Variants in ITPR2 observed in about 807,000 individuals in gnomAD.
ITPR2 encodes inositol 1,4,5-trisphosphate receptor type 2.
In ITPR2, 207 loss-of-function variants were observed where a neutral mutation model predicts 317.1. The ratio of observed to expected loss-of-function variants is 0.65; its 90% CI spans 0.58 to 0.73. ITPR2 has a LOEUF of 0.73. Ranked by LOEUF, ITPR2 falls within the 30% of genes least tolerant of loss-of-function variation. The pLI is 0.00. For missense variants in ITPR2, 2,613 were observed against 3,284.0 expected, an observed-to-expected ratio of 0.80 and a Z score of 4.99; for synonymous variants, 1,156 against 1,149.1, an observed-to-expected ratio of 1.01 and a Z score of -0.12.
intron 35 of ITPR2, among the ~76,000 whole-genome samples, 194 bp from the exon 36 acceptor site, chr12:26,556,569 TGTG>T (rs1944669529): frequency 8.2e-6 from 1 of 121,862 alleles, no homozygotes; most frequent in African/African-American, 3.7e-5. Context: ...TTTTTTTTTG[TGTG>T]TGTGTGTGTG....
At position 26,428,089 on chromosome 12, in the gene ITPR2, C is replaced by T; in HGVS notation, c.6770-1G>A. ...ACCGAGAACAATGGAGAAAGTGTAC[C>T]TGTAAAATGTGGAAGAAATTTATTG... On this transcript the variant is annotated splice_acceptor_variant, in intron 48 of 56. Coordinates refer to ENST00000381340, the MANE Select transcript of ITPR2 (RefSeq NM_002223.4). LOFTEE classifies it high-confidence loss of function. 1 of 1,580,368 alleles carries T rather than the reference C, an allele frequency of 6.3e-7. No homozygotes were observed. Among genetic ancestry groups the T allele is most frequent in the Non-Finnish European group, 8.6e-7 (1 of 1,167,672 alleles).
chr12:26,538,013 TA>T (rs1323436395), intron 37 of ITPR2, among the ~76,000 whole-genome samples: 2 of 152,214 alleles, frequency 1.3e-5, no homozygotes, highest in African/African-American at 4.8e-5. Flanking sequence ...TTCTGTTATT[TA>T]ACGTAAAAAA....
At chr12:26,403,492 T>A (rs1940246754) in intron 52 of ITPR2, among the ~76,000 whole-genome samples, 1 of 151,950 alleles carries the variant, frequency 6.6e-6, no homozygotes, top group Non-Finnish European at 1.5e-5. Flanking sequence ...GTGATACACG[T>A]GTGTAGGCCC....
chr12:26,377,858 ACTTTT>A (rs750640972), intron 55 of ITPR2, among the ~76,000 whole-genome samples: 3 of 152,022 alleles, frequency 2.0e-5, no homozygotes, highest in African/African-American at 4.8e-5. Context: ...TTGTTCTCAC[ACTTTT>A]CTTTTAAGAT....
chr12:26,443,995 G>A (rs1592029286), intron 45 of ITPR2, among the ~76,000 whole-genome samples: 1 of 152,136 alleles, frequency 6.6e-6, no homozygotes, highest in Admixed American at 6.5e-5. Context: ...TCAGTGAGTG[G>A]TGGGAACAAT....
At chr12:26,374,039 T>C (rs1255850873) in intron 55 of ITPR2, among the ~76,000 whole-genome samples, 1 of 152,206 alleles carries the variant, frequency 6.6e-6, no homozygotes, top group African/African-American at 2.4e-5. Context: ...GTTCACAGTA[T>C]GTCTGTCCTC....
chr12:26,401,003 G>A (rs1221391037), intron 52 of ITPR2, among the ~76,000 whole-genome samples: 7 of 152,166 alleles, frequency 4.6e-5, no homozygotes, highest in Non-Finnish European at 4.4e-5. Context: ...GCCGAGGCGG[G>A]TGGATCACTT....
chr12:26,673,257 A>G (rs1274982320), intron 13 of ITPR2, among the ~76,000 whole-genome samples: 7 of 152,080 alleles, frequency 4.6e-5, no homozygotes, highest in African/African-American at 1.7e-4. Flanking sequence ...AGAATTTTAG[A>G]CCAATATCCT....
chr12:26,512,184 T>C (rs1234758368), intron 37 of ITPR2, among the ~76,000 whole-genome samples: 2 of 136,256 alleles, frequency 1.5e-5, no homozygotes, highest in Non-Finnish European at 3.1e-5. Flanking sequence ...GCTACAAAGA[T>C]AAAAAAAAAA....
At chr12:26,351,441 C>T (rs1324669812) in intron 55 of ITPR2, among the ~76,000 whole-genome samples, 1 of 152,190 alleles carries the variant, frequency 6.6e-6, no homozygotes, top group Non-Finnish European at 1.5e-5. Context: ...AAATGTCAAG[C>T]GGGAAACATT....
chr12:26,705,541 C>G (rs952059021), intron 9 of ITPR2, among the ~76,000 whole-genome samples: 1 of 152,200 alleles, frequency 6.6e-6, no homozygotes, highest in Non-Finnish European at 1.5e-5. Context: ...GCTCTGAAAA[C>G]CCAAATCTAA....
intron 5 of ITPR2, among the ~76,000 whole-genome samples, chr12:26,720,539 A>G (rs1423884025): frequency 6.6e-6 from 1 of 152,212 alleles, no homozygotes; most frequent in Non-Finnish European, 1.5e-5. Flanking sequence ...TATGTGACCA[A>G]TATAGGGTTG....
At chr12:26,523,376 C>T (rs1565579211) in intron 37 of ITPR2, among the ~76,000 whole-genome samples, 2 of 152,156 alleles carry the variant, frequency 1.3e-5, no homozygotes, top group South Asian at 2.1e-4. Context: ...ATTGAACTCA[C>T]GATTTGACAC....
intron 44 of ITPR2, 94 bp from the exon 45 acceptor site, chr12:26,475,512 C>A (rs370023361): frequency 7.4e-7 from 1 of 1,354,384 alleles, no homozygotes; most frequent in South Asian, 1.4e-5. Context: ...GCTTCATAAG[C>A]CTCAAAAGTA....
At chr12:26,435,280 A>G (rs1042563781) in intron 48 of ITPR2, among the ~76,000 whole-genome samples, 3 of 152,186 alleles carry the variant, frequency 2.0e-5, no homozygotes, top group African/African-American at 4.8e-5. Flanking sequence ...TTCCTTATGT[A>G]GTACAAATAT....
chr12:26,659,076 T>G (rs748194793), intron 16 of ITPR2, 37 bp downstream of exon 16: 12 of 1,527,736 alleles, frequency 7.9e-6, no homozygotes, highest in Non-Finnish European at 1.1e-5. Flanking sequence ...AGCCGCAATC[T>G]CCACTAGAAA....
chr12:26,701,849 T>A (rs1311043313), intron 9 of ITPR2, among the ~76,000 whole-genome samples: 2 of 152,194 alleles, frequency 1.3e-5, no homozygotes, highest in Non-Finnish European at 2.9e-5. Flanking sequence ...AAGCTAGTGA[T>A]CTTTAAAAGG....
chr12:26,457,447 T>A (rs1246697051), intron 45 of ITPR2, among the ~76,000 whole-genome samples: 2 of 152,162 alleles, frequency 1.3e-5, no homozygotes, highest in Non-Finnish European at 2.9e-5. Context: ...GCTGTGAAAC[T>A]GGAAGTATTA....
chr12:26,498,095 C>T (rs1028256165), intron 37 of ITPR2, among the ~76,000 whole-genome samples: 1 of 152,182 alleles, frequency 6.6e-6, no homozygotes, highest in Non-Finnish European at 1.5e-5. Context: ...CTTGTAACAA[C>T]TTTTATTTAT....
Sources: gnomAD v4.1 joint callset for allele counts (sites outside exome capture counted in the v4.1 genomes callset) on GRCh38, gnomAD v4.1.1 for gene constraint, MANE v1.5 for transcripts, NCBI Gene and HGNC (gene_info 2026-07-23, HGNC 2026-07-21) for gene names.